The following RIMBP2 variants were observed in gnomAD, a reference collection of about 807,000 sequenced individuals.
RIMBP2 encodes the protein RIMS-binding protein 2.
A neutral mutation model predicts 118.6 loss-of-function variants in RIMBP2; 48 were observed. The observed-to-expected ratio is 0.40, with a 90% CI of 0.32 to 0.51. RIMBP2 has a LOEUF of 0.51. Ranked by LOEUF, RIMBP2 falls within the 20% of genes least tolerant of loss-of-function variation. The pLI is 0.41. For missense variants in RIMBP2, 1,551 were observed against 1,768.3 expected (o/e 0.88, Z 2.20); for synonymous variants, 762 against 742.9 (o/e 1.03, Z -0.42).
chr12:130,405,863 T>G (rs912726394), intron 21 of RIMBP2, among the ~76,000 whole-genome samples: 1 of 152,228 alleles, frequency 6.6e-6, no homozygotes, highest in African/African-American at 2.4e-5. Flanking sequence ...ACTTAAATTG[T>G]TTTGTAAATG....
At chr12:130,489,521 C>CCT (rs766674149) in intron 4 of RIMBP2, among the ~76,000 whole-genome samples, 2 of 152,140 alleles carry the variant, frequency 1.3e-5, no homozygotes, top group African/African-American at 4.8e-5. Flanking sequence ...GATTTCTACC[C>CCT]CTCTCTCTGC....
At chr12:130,438,336 C>CCGGCCCCCCCCCCCCCCCCCCCAAAAA in intron 12 of RIMBP2, 29 bp downstream of exon 12, 1 of 844,142 alleles carries the variant, frequency 1.2e-6, no homozygotes, top group East Asian at 2.8e-5. Flanking sequence ...GCCTAACAAA[C>CCGGCCCCCCCCCCCCCCCCCCCAAAAA]CCTCCCCACC....
intron 9 of RIMBP2, among the ~76,000 whole-genome samples, chr12:130,448,975 AAGAGTCAC>A (rs1375216138): frequency 1.3e-5 from 2 of 152,246 alleles, no homozygotes; most frequent in Non-Finnish European, 2.9e-5. Context: ...GGCTTAAATC[AAGAGTCAC>A]CTCCTTTGCA....
At chr12:130,532,396 CT>C (rs1366467964) in intron 2 of RIMBP2, among the ~76,000 whole-genome samples, 1 of 150,548 alleles carries the variant, frequency 6.6e-6, no homozygotes, top group Non-Finnish European at 1.5e-5. Flanking sequence ...TGTGTTTAGC[CT>C]CTAGGAGTTA....
intron 2 of RIMBP2, among the ~76,000 whole-genome samples, chr12:130,584,411 C>T (rs1186219177): frequency 6.9e-6 from 1 of 144,130 alleles, no homozygotes. Flanking sequence ...CCATCACCAC[C>T]ATCACATCAC....
rs566897184 is a variant in RIMBP2 at position 130,622,286 on chromosome 12, A to G, written c.-217+6036T>C. On this transcript the variant is annotated intron_variant, in intron 2 of 22. Transcript: ENST00000690449. This position sits in a 1 kb window ranked among gnomAD's most constrained non-coding sequence, Gnocchi z 8.5. ...GAGGTTCCGGGGAACAGAGTCCCCAAACATCACAAGTTTTGCCATCTCTGT... is the reference window on the plus strand; with the variant it reads ...GAGGTTCCGGGGAACAGAGTCCCCAGACATCACAAGTTTTGCCATCTCTGT... 1.1e-4 allele frequency among the ~76,000 whole-genome samples: 17 copies of G among 152,296 alleles called. No homozygotes were observed. In the South Asian group the frequency reaches 3.5e-3, roughly 32 times the overall value.
intron 2 of RIMBP2, among the ~76,000 whole-genome samples, chr12:130,527,068 C>T (rs985139149): frequency 6.6e-6 from 1 of 152,068 alleles, no homozygotes; most frequent in Non-Finnish European, 1.5e-5. Flanking sequence ...AGGTTAAGGC[C>T]GAGGGCAGTC....
intron 1 of RIMBP2, among the ~76,000 whole-genome samples, chr12:130,642,486 T>C (rs1364466570): frequency 2.0e-5 from 3 of 152,116 alleles, no homozygotes; most frequent in Non-Finnish European, 4.4e-5. Context: ...GGTGTCGCCA[T>C]GTTGGCCAGG....
chr12:130,666,124 A>G (rs1484435183), intron 1 of RIMBP2, among the ~76,000 whole-genome samples: 3 of 152,212 alleles, frequency 2.0e-5, no homozygotes, highest in African/African-American at 7.2e-5. Context: ...GTGTGAAATT[A>G]TAGCAAAATT....
intron 1 of RIMBP2, among the ~76,000 whole-genome samples, chr12:130,673,062 A>G (rs537855350): frequency 6.6e-6 from 1 of 152,336 alleles, no homozygotes; most frequent in Non-Finnish European, 1.5e-5. Flanking sequence ...GAGATTTCTC[A>G]AAGGAAGAAC....
intron 17 of RIMBP2, among the ~76,000 whole-genome samples, chr12:130,418,503 G>A (rs1320033168): frequency 6.6e-6 from 1 of 152,158 alleles, no homozygotes; most frequent in Non-Finnish European, 1.5e-5. Flanking sequence ...GAGATCTGCT[G>A]GAGGAACTTA....
At chr12:130,694,261 A>T (rs2065470028) in intron 1 of RIMBP2, among the ~76,000 whole-genome samples, 1 of 152,190 alleles carries the variant, frequency 6.6e-6, no homozygotes, top group African/African-American at 2.4e-5. Context: ...AACCAGGGGA[A>T]CGAGCCATAA....
At chr12:130,661,860 C>T (rs1399276576) in intron 1 of RIMBP2, among the ~76,000 whole-genome samples, 2 of 152,164 alleles carry the variant, frequency 1.3e-5, no homozygotes, top group African/African-American at 4.8e-5. Flanking sequence ...TCTCTGTTCC[C>T]GGTCACGACT....
chr12:130,411,525 T>C lies in RIMBP2; in HGVS notation c.3589+1094A>G, dbSNP rs1398826266. ...CATAGATATATCAGGCTAGGTTCCC[T>C]TGGCCATCGACATTTAGAAAAATAG... is the stretch of plus-strand genomic sequence containing the variant. On this transcript the variant is annotated intron_variant, in intron 19 of 22. Transcript: ENST00000690449. 3.3e-5 allele frequency among the ~76,000 whole-genome samples: 5 copies of C among 150,260 alleles called. No individual in the cohort carries two copies. In the South Asian group the frequency reaches 1.1e-3, roughly 33 times the overall value.
At chr12:130,613,813 C>CAA (rs376443531) in intron 2 of RIMBP2, among the ~76,000 whole-genome samples, 9,259 of 104,544 alleles carry the variant, frequency 0.089, 608 homozygotes, top group Non-Finnish European at 0.098. Flanking sequence ...GACTCTGTCT[C>CAA]AAAAAAAAAA....
At chr12:130,692,732 A>G (rs2065367539) in intron 1 of RIMBP2, among the ~76,000 whole-genome samples, 1 of 151,820 alleles carries the variant, frequency 6.6e-6, no homozygotes, top group Non-Finnish European at 1.5e-5. Context: ...GTGCAGTGGA[A>G]TAGGTGGAAT....
At chr12:130,516,334 A>G (rs1298770370) in intron 3 of RIMBP2, among the ~76,000 whole-genome samples, 1 of 152,256 alleles carries the variant, frequency 6.6e-6, no homozygotes, top group Non-Finnish European at 1.5e-5. Context: ...CCATCATTCA[A>G]TAGATGTTGA....
intron 2 of RIMBP2, among the ~76,000 whole-genome samples, chr12:130,558,631 A>G (rs1175556058): frequency 1.3e-5 from 2 of 152,198 alleles, no homozygotes; most frequent in African/African-American, 4.8e-5. Flanking sequence ...CCGAGAATGC[A>G]GCCAGCCTGT....
chr12:130,509,622 T>C (rs903477880), intron 3 of RIMBP2, among the ~76,000 whole-genome samples: 2 of 151,976 alleles, frequency 1.3e-5, no homozygotes, highest in African/African-American at 4.8e-5. Context: ...GGAGGGCCTC[T>C]CCCACACCCT....
Sources: gnomAD v4.1 joint callset for allele counts (sites outside exome capture counted in the v4.1 genomes callset) on GRCh38, gnomAD v4.1.1 for gene constraint, Gnocchi (gnomAD v3.1) non-coding constraint, MANE v1.5 for transcripts, NCBI Gene and HGNC (gene_info 2026-07-23, HGNC 2026-07-21) for gene names.